The following TSPYL6 variants were observed in gnomAD, a reference collection of about 807,000 sequenced individuals.
TSPYL6 encodes testis-specific Y-encoded-like protein 6.
For missense variants in TSPYL6, 699 were observed against 531.5 expected, an observed-to-expected ratio of 1.32 and a Z score of -3.10; for synonymous variants, 259 against 214.8, an observed-to-expected ratio of 1.21 and a Z score of -1.80.
chr2:54,256,188 G>C lies in TSPYL6; in HGVS notation c.-37C>G. The C allele has an allele frequency of 6.4e-7, 1 of 1,568,598 alleles. No individual in the cohort carries two copies. Among genetic ancestry groups the C allele is most frequent in the Non-Finnish European group, 8.6e-7 (1 of 1,157,174 alleles). On this transcript the variant is annotated 5_prime_UTR_variant, in exon 1 of 1. Transcript: ENST00000317802. ...CCAGGGCAGCAGTGGGTAGAGGCCA[G>C]GCCAGAGGTAGGTAGCGTCAACGTT... is the stretch of plus-strand genomic sequence containing the variant.
At position 54,255,934 on chromosome 2, in the gene TSPYL6, A is replaced by C. The variant is rs561567364; in HGVS notation, c.218T>G (p.Ile73Ser). 1 of 1,614,042 alleles carries C rather than the reference A, an allele frequency of 6.2e-7. No homozygotes were observed. The highest frequency in any genetic ancestry group is 1.1e-5 in the South Asian group (1 of 91,074). Residue 73 changes from isoleucine to serine, a missense_variant, in exon 1 of 1, where the codon ATC becomes AGC. Transcript: ENST00000317802. The stretch of plus-strand genomic sequence containing the variant: ...ATGACTGCGACCCGCATCGACCAAG[A>C]TGTGGAAAGTATGGCCACCATCTGC... ...DPADGGHTFH[I>S]LVDAGRSHGA...
rs843706 is a variant in TSPYL6, at chr2:54,253,232, C to T, written c.*1687G>A. ...ATGAACACAATAGTTTCCAGTCTTCCGCATCAGATAAGACCAAGTTATTCA... is the reference window on the plus strand; with the variant it reads ...ATGAACACAATAGTTTCCAGTCTTCTGCATCAGATAAGACCAAGTTATTCA... On this transcript the variant is annotated 3_prime_UTR_variant, in exon 1 of 1. Coordinates refer to ENST00000317802, the MANE Select transcript of TSPYL6 (RefSeq NM_001003937.3). 2 of 151,986 alleles carry T rather than the reference C, an allele frequency of 1.3e-5. No individual in the cohort carries two copies. Among genetic ancestry groups the T allele is most frequent in the South Asian group, 4.1e-4 (2 of 4,830 alleles). 9.4% of individuals were successfully genotyped at this position (151,986 alleles called of 1,614,324 possible).
At chr2:54,255,183 AG>A in the TSPYL6 span, 4 of 1,614,064 alleles carry the variant, frequency 2.5e-6, no homozygotes, top group Middle Eastern at 3.3e-4. Flanking sequence ...GAGTGGAAAA[AG>A]ACACCACTTG....
At position 54,255,567 on chromosome 2, in the gene TSPYL6, GGGCCCGGGCCCGGGCCCA is replaced by G. The variant is rs766116667; in HGVS notation, c.567_584del (p.Gly190_Pro195del). On this transcript the variant is annotated inframe_deletion, in exon 1 of 1. Transcript: ENST00000317802. ...GGTTCAGGTGGAGACCCACGTTCAG[GGGCCCGGGCCCGGGCCCA>G]GGCCCTGCCTCCCTGTTTACCTCAT... The G allele has an allele frequency of 3.5e-5, 41 of 1,176,968 alleles. No individual in the cohort carries two copies. Among genetic ancestry groups the G allele is most frequent in the Admixed American group, 2.5e-4 (12 of 47,862 alleles). The allele number at this position is 1,176,968 out of a possible 1,614,324, so 72.9% of individuals were successfully genotyped here.
rs1573000255 is a variant in TSPYL6, at chr2:54,255,311, C to T, written c.841G>A (p.Glu281Lys). 1 of 1,614,180 alleles carries T rather than the reference C, an allele frequency of 6.2e-7. No individual in the cohort carries two copies. The stretch of plus-strand genomic sequence containing the variant: ...CTAGGGTGTCTGAGCTCCTTCACTT[C>T]CAAATTGGTTAAGTAGCTTAACATC... ...AEMLSYLTNL[E>K]VKELRHPRTG... Residue 281 changes from glutamate to lysine, a missense_variant, in exon 1 of 1, where the codon GAA (glutamate) becomes AAA (lysine). Physicochemically the swap from Glu to Lys is moderately conservative, Grantham distance 56. Transcript: ENST00000317802.
At position 54,253,890 on chromosome 2, in the gene TSPYL6, G is replaced by C. The variant is rs1157070489; in HGVS notation, c.*1029C>G. 6.6e-6 allele frequency: 1 copy of C among 152,186 alleles called. No homozygotes were observed. The highest frequency in any genetic ancestry group is 1.5e-5 in the Non-Finnish European group (1 of 68,044). The allele number at this position is 152,186 out of a possible 1,614,324, so 9.4% of individuals were successfully genotyped here. ...AGCCTGCCTCTGGACATGACAAAGA[G>C]AGCCAAGAAACTAAAAAGCCTGCTT... On this transcript the variant is annotated 3_prime_UTR_variant, in exon 1 of 1. Transcript: ENST00000317802.
rs1259016470 is a variant in TSPYL6 at position 54,255,226 on chromosome 2, A to G, written c.926T>C (p.Ile309Thr). Reference sequence around the variant, plus strand: ...GGATCTGACCTCATACACCTTTACAATCAGCTTGTTTCTGAAGTAAGGGTT... The same window carrying G: ...GGATCTGACCTCATACACCTTTACAGTCAGCTTGTTTCTGAAGTAAGGGTT... ...QRNPYFRNKL[I>T]VKVYEVRSFG... Residue 309 changes from isoleucine (I) to threonine (T), a missense_variant, in exon 1 of 1, where the codon ATT becomes ACT. Transcript: ENST00000317802. The G allele has an allele frequency of 3.7e-6, 6 of 1,614,060 alleles. No homozygotes were observed. The highest frequency in any genetic ancestry group is 4.2e-6 in the Non-Finnish European group (5 of 1,180,042).
chr2:54,254,963 C>T lies in TSPYL6; in HGVS notation c.1189G>A (p.Glu397Lys). ...AHRARRRLVR[E>K]PVEIPRPFGF... ...AAGGGCCTGGGGATCTCCACTGGCT[C>T]CCTTACCAGGCGACGTCTAGCTCTA... The change falls in exon 1 of 1, where the codon GAG becomes AAG. Residue 397 changes from glutamate (E) to lysine (K), a missense_variant. Coordinates refer to ENST00000317802, the MANE Select transcript of TSPYL6 (RefSeq NM_001003937.3). The T allele has an allele frequency of 6.2e-7, 1 of 1,613,812 alleles. No homozygotes were observed. The highest frequency in any genetic ancestry group is 8.5e-7 in the Non-Finnish European group (1 of 1,179,962).
In TSPYL6 at chr2:54,255,742, G is replaced by C. The variant is rs1429292316; in HGVS notation, c.410C>G (p.Ser137Trp). ...CCCCTCTGCAATCACTTCAGACTCC[G>C]ACCTCCCTGCCCCACAGGTTTCTAG... ...KALETCGAGR[S>W]ESEVIAEGKA... The change falls in exon 1 of 1, where the codon TCG becomes TGG. Residue 137 changes from serine (S) to tryptophan (W), a missense_variant. Physicochemically the swap from Ser to Trp is radical, Grantham distance 177. Coordinates refer to ENST00000317802, the MANE Select transcript of TSPYL6 (RefSeq NM_001003937.3). 3 of 1,613,734 alleles carry C rather than the reference G, an allele frequency of 1.9e-6. No homozygotes were observed. The highest frequency in any genetic ancestry group is 4.5e-5 in the East Asian group (2 of 44,866).
rs1437133058 is a variant in TSPYL6 at position 54,255,654 on chromosome 2, T to C, written c.498A>G (p.Pro166=). 1 of 1,613,668 alleles carries C rather than the reference T, an allele frequency of 6.2e-7. No homozygotes were observed. Among genetic ancestry groups the C allele is most frequent in the Non-Finnish European group, 8.5e-7 (1 of 1,180,022 alleles). The change falls in exon 1 of 1, where the codon CCA becomes CCG. Residue 166 remains proline (P), a synonymous_variant. Transcript: ENST00000317802. ...CCGCCACGTCCATTTCTTCGCCTCC[T>C]GGCTTCTCATCCACTGGGGCTGAGA... ...AMFSAPVDEK[P]GGEEMDVAEE...
In TSPYL6 at chr2:54,255,574, G is replaced by A. The variant is rs760017792; in HGVS notation, c.578C>T (p.Pro193Leu). ...GTGGAGACCCACGTTCAGGGGCCCG[G>A]GCCCGGGCCCAGGCCCTGCCTCCCT... ...VNREAGPGPG[P>L]GPLNVGLHLN... is the part of the protein sequence containing the mutation. Residue 193 changes from proline (P) to leucine (L), a missense_variant, in exon 1 of 1, where the codon CCC (proline) becomes CTC (leucine). By Grantham distance (98) the Pro-to-Leu change is moderately conservative (BLOSUM62 -3). Coordinates refer to ENST00000317802, the MANE Select transcript of TSPYL6 (RefSeq NM_001003937.3). 1.8e-5 allele frequency: 29 copies of A among 1,612,644 alleles called. No homozygotes were observed. The highest frequency in any genetic ancestry group is 2.4e-5 in the Non-Finnish European group (28 of 1,179,564).
chr2:54,255,094 C>A lies in TSPYL6; in HGVS notation c.1058G>T (p.Trp353Leu). 3.1e-6 allele frequency: 5 copies of A among 1,614,100 alleles called. No homozygotes were observed. The highest frequency in any genetic ancestry group is 4.2e-6 in the Non-Finnish European group (5 of 1,180,020). Reference protein sequence around the residue: ...NRHVICSFFTWFSDHSLPESD... With the variant: ...NRHVICSFFTLFSDHSLPESD... ...CTCTGGAAGGCTGTGGTCTGAAAAC[C>A]AGGTGAAGAAGCTGCAGATGACATG... is the stretch of plus-strand genomic sequence containing the variant. The change falls in exon 1 of 1, where the codon TGG (tryptophan) becomes TTG (leucine). Residue 353 changes from tryptophan (W) to leucine (L), a missense_variant. Coordinates refer to ENST00000317802, the MANE Select transcript of TSPYL6 (RefSeq NM_001003937.3).
In TSPYL6 at chr2:54,255,387, A is replaced by C. The variant is rs959523605; in HGVS notation, c.765T>G (p.Ala255=). The C allele has an allele frequency of 1.2e-5, 19 of 1,613,834 alleles. No individual in the cohort carries two copies. Among genetic ancestry groups the C allele is most frequent in the Non-Finnish European group, 1.5e-5 (18 of 1,179,958 alleles). The change falls in exon 1 of 1, where the codon GCT becomes GCG. Residue 255 remains alanine (A), a synonymous_variant. Coordinates refer to ENST00000317802, the MANE Select transcript of TSPYL6 (RefSeq NM_001003937.3). ...IRNIPGFWVT[A]FRHHPQLSAM... ...CAGACAGCTGTGGGTGGTGGCGGAA[A>C]GCAGTGACCCAGAAGCCCGGGATAT... is the stretch of plus-strand genomic sequence containing the variant.
rs936860599 is a variant in TSPYL6 at position 54,253,936 on chromosome 2, C to T, written c.*983G>A. The T allele has an allele frequency of 6.1e-5, 9 of 148,236 alleles. No homozygotes were observed. Among genetic ancestry groups the T allele is most frequent in the African/African-American group, 1.8e-4 (7 of 39,782 alleles). The allele number at this position is 148,236 out of a possible 1,614,324, so 9.2% of individuals were successfully genotyped here. A position where few individuals can be genotyped will look rare whatever the true frequency, so the allele number is the denominator to read the frequency against. On this transcript the variant is annotated 3_prime_UTR_variant, in exon 1 of 1. Coordinates refer to ENST00000317802, the MANE Select transcript of TSPYL6 (RefSeq NM_001003937.3). ...TGCTTCTGCGGATGTTTCTGAACTA[C>T]TACTTTTGTTTTTTTTAAAGGAAGA...
rs1687456421 is a variant in TSPYL6, at chr2:54,255,470, G to A, written c.682C>T (p.Arg228Cys). Residue 228 changes from arginine to cysteine, a missense_variant, in exon 1 of 1, where the codon CGC becomes TGC. By Grantham distance (180) the Arg-to-Cys change is radical (BLOSUM62 -3). Coordinates refer to ENST00000317802, the MANE Select transcript of TSPYL6 (RefSeq NM_001003937.3). ...TATTCATGAATCTGCCCAAACCTGC[G>A]CTCCACCTGCAGGAGCGCCCTGTCA... ...EADRALLQVE[R>C]RFGQIHEYYL... 3.1e-6 allele frequency: 5 copies of A among 1,613,896 alleles called. No individual in the cohort carries two copies. The highest frequency in any genetic ancestry group is 2.2e-5 in the East Asian group (1 of 44,824).
rs1687358697 is a variant in TSPYL6, at chr2:54,253,985, G to C, written c.*934C>G. The C allele has an allele frequency of 6.6e-6, 1 of 152,178 alleles. No homozygotes were observed. The highest frequency in any genetic ancestry group is 1.5e-5 in the Non-Finnish European group (1 of 68,022). 9.4% of individuals were successfully genotyped at this position (152,178 alleles called of 1,614,324 possible). A position where few individuals can be genotyped will look rare whatever the true frequency, so the allele number is the denominator to read the frequency against. On this transcript the variant is annotated 3_prime_UTR_variant, in exon 1 of 1. Coordinates refer to ENST00000317802, the MANE Select transcript of TSPYL6 (RefSeq NM_001003937.3). ...GACAGAAGAGATTTATGAGAGATGA[G>C]AGAAAAGAAAGTGTACACTCACTCT...
rs751182332 is a variant in TSPYL6, at chr2:54,256,012, A to T, written c.140T>A (p.Ile47Asn). The change falls in exon 1 of 1, where the codon ATC becomes AAC. Residue 47 changes from isoleucine (I) to asparagine (N), a missense_variant. Coordinates refer to ENST00000317802, the MANE Select transcript of TSPYL6 (RefSeq NM_001003937.3). ...TGGAAGCCGGGGCGGTGGGAACACG[A>T]TTGGCTCCAAGCGGCCATCAAACAT... The part of the protein sequence containing the change: ...ADMFDGRLEP[I>N]VFPPPRLPEE... 9 of 1,614,034 alleles carry T rather than the reference A, an allele frequency of 5.6e-6. No homozygotes were observed. The East Asian group carries it at 2.0e-4, about 36-fold the overall frequency.
In TSPYL6 at chr2:54,253,315, T is replaced by C. The variant is rs952694552; in HGVS notation, c.*1604A>G. ...AACAAGAACAGGCTGAAAACTGCCA[T>C]GAATATCCATATCCACATAATGTAC... On this transcript the variant is annotated 3_prime_UTR_variant, in exon 1 of 1. Transcript: ENST00000317802. The C allele has an allele frequency of 6.6e-6, 1 of 152,240 alleles. No homozygotes were observed. The highest frequency in any genetic ancestry group is 1.5e-5 in the Non-Finnish European group (1 of 68,040). The allele number at this position is 152,240 out of a possible 1,614,324, so 9.4% of individuals were successfully genotyped here.
At position 54,255,633 on chromosome 2, in the gene TSPYL6, C is replaced by T. The variant is rs757079209; in HGVS notation, c.519G>A (p.Val173=). The T allele has an allele frequency of 6.2e-7, 1 of 1,613,694 alleles. No individual in the cohort carries two copies. Among genetic ancestry groups the T allele is most frequent in the Non-Finnish European group, 8.5e-7 (1 of 1,180,012 alleles). The part of the protein sequence containing the change: ...DEKPGGEEMD[V]AEENRAIDEV... ...CATCTATTGCTCTGTTTTCTTCCGC[C>T]ACGTCCATTTCTTCGCCTCCTGGCT... is the stretch of plus-strand genomic sequence containing the variant. The change falls in exon 1 of 1, where the codon GTG becomes GTA. Residue 173 remains valine (V), a synonymous_variant. Transcript: ENST00000317802.
Sources: allele counts gnomAD v4.1 joint callset, GRCh38; gene constraint gnomAD v4.1.1; transcripts MANE v1.5; gene names NCBI Gene and HGNC (gene_info 2026-07-23, HGNC 2026-07-21).